Variants in STK33 observed in about 807,000 individuals in gnomAD.
STK33 encodes serine/threonine kinase 33.
Under a neutral mutation model 58.0 loss-of-function variants are expected in STK33, and 52 were observed. The observed-to-expected ratio is 0.90, with a 90% CI of 0.72 to 1.13. STK33 has a LOEUF of 1.13. Ranked by LOEUF, STK33 falls within the 50% of genes most tolerant of loss-of-function variation. The pLI is 0.00. For synonymous variants in STK33, 215 were observed against 200.1 expected (o/e 1.07, Z -0.63); for missense variants, 630 against 604.2 (o/e 1.04, Z -0.45).
chr11:8,567,923 AACGGCTTCT>A (rs1957554326), intron 1 of STK33, among the ~76,000 whole-genome samples: 7 of 152,208 alleles, frequency 4.6e-5, no homozygotes. Flanking sequence ...AACAATATTC[AACGGCTTCT>A]ACAGCAATAT....
intron 15 of STK33, among the ~76,000 whole-genome samples, chr11:8,399,041 A>T (rs1212582068): frequency 6.6e-6 from 1 of 152,170 alleles, no homozygotes; most frequent in Non-Finnish European, 1.5e-5. Context: ...CCCCACTGTC[A>T]ACATTAGACA....
At chr11:8,446,864 C>A (rs187332362) in intron 11 of STK33, among the ~76,000 whole-genome samples, 1 of 152,092 alleles carries the variant, frequency 6.6e-6, no homozygotes, top group African/African-American at 2.4e-5. Flanking sequence ...CCATAAAAAA[C>A]CTAGAAGAAA....
chr11:8,588,654 T>G (rs4929929), intron 1 of STK33, among the ~76,000 whole-genome samples: 90,846 of 151,946 alleles, frequency 0.6, 27,398 homozygotes, highest in African/African-American at 0.64. Context: ...CTAAACCAAA[T>G]AAAAAATATA....
the STK33 span, among the ~76,000 whole-genome samples, chr11:8,342,173 A>C: frequency 0.06 from 9,096 of 152,288 alleles, 425 homozygotes; most frequent in African/African-American, 0.13. Flanking sequence ...ATTCAAAGAT[A>C]TTCTCATTTG....
chr11:8,493,770 C>T (rs1180223540), intron 1 of STK33, among the ~76,000 whole-genome samples: 1 of 152,168 alleles, frequency 6.6e-6, no homozygotes, highest in African/African-American at 2.4e-5. Context: ...GGCTTCATCC[C>T]TGGGATGCAA....
the STK33 span, among the ~76,000 whole-genome samples, chr11:8,370,720 G>C: frequency 3.2e-5 from 1 of 30,892 alleles, no homozygotes; most frequent in South Asian, 7.7e-4. Flanking sequence ...GGTAGCTCCT[G>C]GGGGCTGGAG....
downstream of STK33, among the ~76,000 whole-genome samples, chr11:8,389,358 T>C (rs1354451161): frequency 6.6e-6 from 1 of 152,174 alleles, no homozygotes; most frequent in East Asian, 1.9e-4. Context: ...GGTGCCTTCA[T>C]TGACAGAATG....
chr11:8,363,127 G>A, the STK33 span, among the ~76,000 whole-genome samples: 2 of 152,092 alleles, frequency 1.3e-5, no homozygotes, highest in African/African-American at 4.8e-5. Flanking sequence ...TGAGAAGTCC[G>A]GCATGGGCTG....
rs552777575 is a variant in STK33 at position 8,541,177 on chromosome 11, C to A, written c.-466+52906G>T. On this transcript the variant is annotated intron_variant, in intron 1 of 15. Transcript: ENST00000687296. ...AAATATAAATTGAATTAAATTATAT[C>A]ATTACTTGAGAAATGTGTATATTTC... 1.4e-4 allele frequency among the ~76,000 whole-genome samples: 21 copies of A among 152,064 alleles called. No individual in the cohort carries two copies. In the East Asian group the frequency reaches 3.9e-3, roughly 28 times the overall value.
At chr11:8,544,377 T>C (rs1955756745) in intron 1 of STK33, among the ~76,000 whole-genome samples, 1 of 148,548 alleles carries the variant, frequency 6.7e-6, no homozygotes, top group Non-Finnish European at 1.5e-5. Flanking sequence ...CATGTATATA[T>C]ATTCCATATT....
rs986000649 is a variant in STK33 at position 8,480,020 on chromosome 11, G to A, written c.-261+390C>T. On this transcript the variant is annotated intron_variant, in intron 2 of 15. Transcript: ENST00000687296. ...AACAGGCAGGAATATTGGAAAAGTC[G>A]TCAAAGAAATGAGGGGATCATATGG... Among the ~76,000 whole-genome samples the A allele has an allele frequency of 5.9e-5, 9 of 152,272 alleles. No individual in the cohort carries two copies. The South Asian group carries it at 6.2e-4, about 11-fold the overall frequency.
chr11:8,445,804 A>G (rs1157603379), intron 11 of STK33, among the ~76,000 whole-genome samples: 220 of 152,124 alleles, frequency 1.4e-3, no homozygotes, highest in African/African-American at 5.2e-3. Context: ...GAGGATTTTC[A>G]CATCGCTGTT....
chr11:8,590,385 GT>G (rs2141584924), intron 1 of STK33, among the ~76,000 whole-genome samples: 1 of 151,978 alleles, frequency 6.6e-6, no homozygotes, highest in East Asian at 1.9e-4. Context: ...TTGAATGAAT[GT>G]TTATAATAGT....
the STK33 span, among the ~76,000 whole-genome samples, chr11:8,346,151 C>T: frequency 6.6e-6 from 1 of 152,150 alleles, no homozygotes; most frequent in Non-Finnish European, 1.5e-5. Flanking sequence ...TGCCCTGGAG[C>T]TAGGAACAGT....
chr11:8,591,620 C>T (rs945590889), intron 1 of STK33, among the ~76,000 whole-genome samples: 1 of 152,088 alleles, frequency 6.6e-6, no homozygotes, highest in African/African-American at 2.4e-5. Context: ...TACAGGAAAC[C>T]GCAATGTCTC....
At chr11:8,362,576 C>T in the STK33 span, among the ~76,000 whole-genome samples, 1 of 152,182 alleles carries the variant, frequency 6.6e-6, no homozygotes, top group South Asian at 2.1e-4. Context: ...CTTTGGGGTT[C>T]ACCCAACAAA....
the STK33 span, among the ~76,000 whole-genome samples, chr11:8,337,832 C>G: frequency 6.6e-6 from 1 of 152,140 alleles, no homozygotes; most frequent in Non-Finnish European, 1.5e-5. Flanking sequence ...ATAGAAAGCT[C>G]TTCCCCCAGA....
At chr11:8,387,915 C>T (rs1051263777), downstream of STK33, among the ~76,000 whole-genome samples, 1 of 151,618 alleles carries the variant, frequency 6.6e-6, no homozygotes, top group Non-Finnish European at 1.5e-5. Flanking sequence ...AGCCTGGCTT[C>T]AGGATTTTGC....
At chr11:8,503,659 T>C (rs1951676189) in intron 1 of STK33, among the ~76,000 whole-genome samples, 1 of 152,218 alleles carries the variant, frequency 6.6e-6, no homozygotes, top group Non-Finnish European at 1.5e-5. Context: ...TCCTAAATGC[T>C]TTCCCAGCTC....
Sources: allele counts gnomAD v4.1 joint callset (sites outside exome capture counted in the v4.1 genomes callset), GRCh38; gene constraint gnomAD v4.1.1; transcripts MANE v1.5; gene names NCBI Gene and HGNC (gene_info 2026-07-23, HGNC 2026-07-21).